The following OSMR variants were observed in gnomAD, a reference collection of about 807,000 sequenced individuals.
OSMR encodes oncostatin-M-specific receptor subunit beta.
Under a neutral mutation model 99.9 loss-of-function variants are expected in OSMR, and 81 were observed. That is an observed-to-expected ratio of 0.81 (90% CI 0.68 to 0.97). The LOEUF (loss-of-function observed/expected upper bound fraction) is 0.97. Among genes scored for constraint, OSMR ranks in the 50% least tolerant of loss-of-function variants. OSMR has a pLI of 0.00. For synonymous variants in OSMR, 406 were observed against 410.4 expected (o/e 0.99, Z 0.13); for missense variants, 1,099 against 1,153.4 (o/e 0.95, Z 0.68).
chr5:38,847,043 A>ACCT (rs1223811990), intron 1 of OSMR, among the ~76,000 whole-genome samples: 2 of 152,160 alleles, frequency 1.3e-5, no homozygotes, highest in Non-Finnish European at 2.9e-5. Context: ...TTGGTAACAG[A>ACCT]CCTGCCTTGA....
chr5:38,886,730 T>C (rs1033423238), intron 7 of OSMR: 1 of 152,672 alleles, frequency 6.5e-6, no homozygotes, highest in Non-Finnish European at 1.5e-5. Context: ...TTAAATATTT[T>C]ATTCATGCAT....
chr5:38,938,398 TTCACTCCCCC>T (rs1747199573), downstream of OSMR: 1 of 231,108 alleles, frequency 4.3e-6, no homozygotes. Flanking sequence ...TAAAATTTTT[TTCACTCCCCC>T]TCTCTGCCCC....
At chr5:38,919,697 A>G (rs942897939) in intron 11 of OSMR, 2 of 204,780 alleles carry the variant, frequency 9.8e-6, no homozygotes, top group Non-Finnish European at 2.0e-5. Context: ...GGGCATACAT[A>G]ATGTAGTTGG....
At chr5:38,943,256 C>G in intron 1 of OSMR, 1 of 309,652 alleles carries the variant, frequency 3.2e-6, no homozygotes, top group Non-Finnish European at 6.0e-6. Context: ...ATATATTTAT[C>G]AGCCTAGGAT....
intron 9 of OSMR, among the ~76,000 whole-genome samples, chr5:38,910,229 G>A (rs549666093): frequency 1.3e-5 from 2 of 152,298 alleles, no homozygotes; most frequent in South Asian, 4.1e-4. Context: ...CATAAAGTAA[G>A]TTCTTAGAGA....
chr5:38,925,288 A>G lies in OSMR; in HGVS notation c.2129A>G (p.Tyr710Cys), dbSNP rs1283140131. 4 of 1,614,120 alleles carry G rather than the reference A, an allele frequency of 2.5e-6. No homozygotes were observed. The highest frequency in any genetic ancestry group is 2.5e-6 in the Non-Finnish European group (3 of 1,180,008). Reference sequence around the variant, plus strand: ...GACAACCTAAAGCCAGAATCCTTCTATGAGTTTTTCATCACTCCATTCACT... The same window carrying G: ...GACAACCTAAAGCCAGAATCCTTCTGTGAGTTTTTCATCACTCCATTCACT... Reference protein sequence around the residue: ...IVDNLKPESFYEFFITPFTSA... With the variant: ...IVDNLKPESFCEFFITPFTSA... The change falls in exon 15 of 18, where the codon TAT becomes TGT. Residue 710 changes from tyrosine (Y) to cysteine (C), a missense_variant. Coordinates refer to ENST00000274276, the MANE Select transcript of OSMR (RefSeq NM_003999.3).
downstream of OSMR, chr5:38,945,135 T>G (rs1158814225): frequency 9.2e-7 from 1 of 1,090,256 alleles, no homozygotes; most frequent in African/African-American, 1.6e-5. Flanking sequence ...TTACATTGCA[T>G]GCTAAAAAGA....
intron 3 of OSMR, among the ~76,000 whole-genome samples, chr5:38,877,374 G>A (rs748270527): frequency 1.3e-5 from 2 of 152,076 alleles, no homozygotes; most frequent in African/African-American, 2.4e-5. Context: ...TGAGATCTGC[G>A]CAAGTTAAAT....
intron 7 of OSMR, among the ~76,000 whole-genome samples, chr5:38,893,998 C>G (rs1314524127): frequency 6.6e-6 from 1 of 152,160 alleles, no homozygotes; most frequent in African/African-American, 2.4e-5. Flanking sequence ...ACCTTACAAG[C>G]CAGAAGAGAT....
chr5:38,875,853 A>C (rs150249790), intron 2 of OSMR, among the ~76,000 whole-genome samples: 1 of 152,354 alleles, frequency 6.6e-6, no homozygotes, highest in African/African-American at 2.4e-5. Flanking sequence ...CAGAAATGTA[A>C]CATTTCCATC....
At chr5:38,929,654 A>G (rs1170657488) in intron 15 of OSMR, among the ~76,000 whole-genome samples, 1 of 152,194 alleles carries the variant, frequency 6.6e-6, no homozygotes, top group Non-Finnish European at 1.5e-5. Flanking sequence ...CCTTGGTAGT[A>G]TCTTCTAAAA....
intron 7 of OSMR, among the ~76,000 whole-genome samples, chr5:38,887,268 T>G (rs958373940): frequency 6.6e-6 from 1 of 152,224 alleles, no homozygotes; most frequent in African/African-American, 2.4e-5. Flanking sequence ...TTTATAAAAA[T>G]ATTTTAAAGG....
intron 15 of OSMR, among the ~76,000 whole-genome samples, chr5:38,930,920 T>TTGTA (rs1746701065): frequency 1.4e-5 from 2 of 141,890 alleles, no homozygotes; most frequent in Admixed American, 7.1e-5. Context: ...CAGAAGCATT[T>TTGTA]TGTGTGTGTG....
rs778764810 is a variant in OSMR at position 38,924,434 on chromosome 5, A to G, written c.1883A>G (p.Asn628Ser). 1 of 1,613,870 alleles carries G rather than the reference A, an allele frequency of 6.2e-7. No homozygotes were observed. Among genetic ancestry groups the G allele is most frequent in the Non-Finnish European group, 8.5e-7 (1 of 1,180,002 alleles). Reference protein sequence around the residue: ...GYSQELAPSDNPHVLVDTLTS... With the variant: ...GYSQELAPSDSPHVLVDTLTS... The stretch of plus-strand genomic sequence containing the variant: ...CTTCTTTTCCTAGCTCCTTCAGACA[A>G]CCCTCACGTGCTGGTGGATACATTG... The change falls in exon 14 of 18, where the codon AAC becomes AGC. Residue 628 changes from asparagine (N) to serine (S), a missense_variant. Transcript: ENST00000274276.
rs776904367 is a variant in OSMR at position 38,933,070 on chromosome 5, T to G, written c.2566T>G (p.Phe856Val). The G allele has an allele frequency of 3.1e-6, 5 of 1,614,064 alleles. No individual in the cohort carries two copies. The highest frequency in any genetic ancestry group is 4.2e-6 in the Non-Finnish European group (5 of 1,180,044). The change falls in exon 18 of 18, where the codon TTT (phenylalanine) becomes GTT (valine). Residue 856 changes from phenylalanine to valine, a missense_variant. Physicochemically the swap from Phe to Val is conservative, Grantham distance 50. Transcript: ENST00000274276. The part of the protein sequence containing the change: ...NHSGPGPCIC[F>V]ENLTYNQAAS... ...CTCTGGCCCTGGCCCCTGCATCTGT[T>G]TTGAGAACTTGACCTATAACCAGGC... is the stretch of plus-strand genomic sequence containing the variant.
intron 1 of OSMR, among the ~76,000 whole-genome samples, chr5:38,862,445 G>A (rs1369428446): frequency 1.1e-4 from 16 of 149,782 alleles, no homozygotes; most frequent in Admixed American, 7.9e-4. Flanking sequence ...CCTCCCGGAC[G>A]GGTGGCTGCT....
At chr5:38,853,966 T>C (rs1381452373) in intron 1 of OSMR, among the ~76,000 whole-genome samples, 1 of 151,706 alleles carries the variant, frequency 6.6e-6, no homozygotes, top group African/African-American at 2.4e-5. Context: ...AGTGAACACT[T>C]GTAAGTAATC....
chr5:38,904,526 A>G, intron 9 of OSMR, 23 bp downstream of exon 9: 1 of 1,614,152 alleles, frequency 6.2e-7, no homozygotes, highest in Non-Finnish European at 8.5e-7. Flanking sequence ...CCTGGCATTT[A>G]ACCCAAAGAA....
chr5:38,945,444 C>T (rs768646964), downstream of OSMR: 4 of 1,291,916 alleles, frequency 3.1e-6, no homozygotes, highest in African/African-American at 5.9e-5. Flanking sequence ...AACCAGAGAA[C>T]TTTAGTCATC....
Sources: allele counts gnomAD v4.1 joint callset (sites outside exome capture counted in the v4.1 genomes callset), GRCh38; gene constraint gnomAD v4.1.1; transcripts MANE v1.5; gene names NCBI Gene and HGNC (gene_info 2026-07-23, HGNC 2026-07-21).